The following CPQ variants were observed in gnomAD, a reference collection of about 807,000 sequenced individuals.
CPQ encodes carboxypeptidase Q.
A neutral mutation model predicts 45.7 loss-of-function variants in CPQ; 37 were observed. That is an observed-to-expected ratio of 0.81 (90% CI 0.62 to 1.07). The LOEUF (loss-of-function observed/expected upper bound fraction) is 1.07, where lower values mean the gene tolerates loss of function less well. Ranked by LOEUF, CPQ falls within the 50% of genes least tolerant of loss-of-function variation. The probability of loss-of-function intolerance (pLI) is 0.00; values close to 1 mark genes in which losing one functional copy is unlikely to be tolerated. For missense variants in CPQ, 537 were observed against 572.9 expected (o/e 0.94, Z 0.64); for synonymous variants, 186 against 205.8 (o/e 0.90, Z 0.82).
chr8:97,123,142 A>G (rs1345650081), intron 7 of CPQ, among the ~76,000 whole-genome samples: 6 of 105,046 alleles, frequency 5.7e-5, no homozygotes, highest in Non-Finnish European at 1.1e-4. Flanking sequence ...ATAAAATAAA[A>G]TAAAATAAAT....
At chr8:97,101,572 C>CTTTTTTTTTTTTTTT (rs5893410) in intron 7 of CPQ, among the ~76,000 whole-genome samples, 33 of 114,198 alleles carry the variant, frequency 2.9e-4, no homozygotes, top group Non-Finnish European at 3.9e-4. Context: ...TTTCTTTTTT[C>CTTTTTTTTTTTTTTT]TTTTTTTTTT....
chr8:96,946,831 G>A (rs1347913007), intron 4 of CPQ, among the ~76,000 whole-genome samples: 1 of 152,052 alleles, frequency 6.6e-6, no homozygotes, highest in Non-Finnish European at 1.5e-5. Flanking sequence ...GCTTCATGTG[G>A]CCAGCTCTTA....
chr8:96,904,729 A>G (rs1325740276), intron 4 of CPQ, among the ~76,000 whole-genome samples: 1 of 152,164 alleles, frequency 6.6e-6, no homozygotes, highest in Non-Finnish European at 1.5e-5. Context: ...AATTGCAACA[A>G]GCTGCCTGGG....
chr8:96,840,629 C>G (rs904351526), intron 3 of CPQ, among the ~76,000 whole-genome samples: 1 of 152,112 alleles, frequency 6.6e-6, no homozygotes, highest in Non-Finnish European at 1.5e-5. Context: ...TTGTGCATAG[C>G]ATGCATTAGA....
rs1307697089 is a variant in CPQ, at chr8:96,744,829, T to C, written c.-34-40035T>C. On this transcript the variant is annotated intron_variant, in intron 1 of 7. Coordinates refer to ENST00000220763, the MANE Select transcript of CPQ (RefSeq NM_016134.4). ...TTTACATTGATCATGATTAATATTA[T>C]ATTTGGATTCATTTCTATCATCTTA... Among the ~76,000 whole-genome samples, 4 of 152,240 alleles carry C rather than the reference T, an allele frequency of 2.6e-5. No individual in the cohort carries two copies. The East Asian group carries it at 5.8e-4, about 22-fold the overall frequency.
At chr8:97,002,958 A>G (rs1809310914) in intron 5 of CPQ, among the ~76,000 whole-genome samples, 1 of 152,150 alleles carries the variant, frequency 6.6e-6, no homozygotes, top group African/African-American at 2.4e-5. Flanking sequence ...TTGGGTGCAT[A>G]TATATTTAGG....
intron 1 of CPQ, among the ~76,000 whole-genome samples, chr8:96,654,852 A>C (rs973407784): frequency 2.6e-5 from 4 of 152,194 alleles, no homozygotes; most frequent in African/African-American, 9.6e-5. Flanking sequence ...CTGCATTTGC[A>C]TGAAACAGTA....
At chr8:96,943,020 A>T (rs1246520970) in intron 4 of CPQ, among the ~76,000 whole-genome samples, 2 of 152,280 alleles carry the variant, frequency 1.3e-5, no homozygotes, top group East Asian at 3.9e-4. Context: ...TAGATATATT[A>T]CTTACTAGAG....
intron 6 of CPQ, among the ~76,000 whole-genome samples, chr8:97,063,439 T>C (rs1053571285): frequency 3.3e-5 from 5 of 152,238 alleles, no homozygotes; most frequent in African/African-American, 1.2e-4. Context: ...CTGTTTACTC[T>C]GTTGATAGTT....
chr8:97,075,237 C>T (rs549220909), intron 7 of CPQ, among the ~76,000 whole-genome samples: 1 of 152,302 alleles, frequency 6.6e-6, no homozygotes, highest in African/African-American at 2.4e-5. Flanking sequence ...AACACTATTA[C>T]TTAAGTCTCT....
chr8:96,951,023 G>A (rs1813255997), intron 4 of CPQ, among the ~76,000 whole-genome samples: 2 of 152,068 alleles, frequency 1.3e-5, no homozygotes, highest in Non-Finnish European at 2.9e-5. Flanking sequence ...GTTTACTGAA[G>A]GAATTTATGG....
chr8:96,988,393 T>A (rs942699315), intron 5 of CPQ, among the ~76,000 whole-genome samples: 2 of 152,040 alleles, frequency 1.3e-5, no homozygotes, highest in African/African-American at 4.8e-5. Flanking sequence ...ATATTCGGAG[T>A]TTTTATTTTG....
intron 5 of CPQ, among the ~76,000 whole-genome samples, chr8:96,993,915 C>T (rs769274521): frequency 2.4e-4 from 36 of 152,080 alleles, no homozygotes; most frequent in Non-Finnish European, 5.0e-4. Flanking sequence ...CTATATTGTT[C>T]TCCCGTTCTC....
chr8:96,908,777 A>ACACACACACACACACACC (rs147900019), intron 4 of CPQ, among the ~76,000 whole-genome samples: 76 of 150,156 alleles, frequency 5.1e-4, no homozygotes, highest in Admixed American at 1.7e-3. Flanking sequence ...ACACACACAC[A>ACACACACACACACACACC]CCATATATTC....
At chr8:96,718,080 C>A (rs1809708283) in intron 1 of CPQ, among the ~76,000 whole-genome samples, 1 of 152,190 alleles carries the variant, frequency 6.6e-6, no homozygotes, top group Admixed American at 6.5e-5. Flanking sequence ...CCAGGCCATG[C>A]CCCTCCCAGC....
intron 1 of CPQ, among the ~76,000 whole-genome samples, chr8:96,742,902 C>G (rs1002833437): frequency 6.6e-6 from 1 of 152,062 alleles, no homozygotes; most frequent in Non-Finnish European, 1.5e-5. Context: ...TCTGGCTGCC[C>G]TTAACATTTT....
chr8:97,119,583 A>C (rs976937888), intron 7 of CPQ, among the ~76,000 whole-genome samples: 1 of 152,192 alleles, frequency 6.6e-6, no homozygotes, highest in African/African-American at 2.4e-5. Flanking sequence ...ATTACTCATA[A>C]GGTGGATGCT....
intron 4 of CPQ, among the ~76,000 whole-genome samples, chr8:96,963,392 T>A (rs1813496347): frequency 6.6e-6 from 1 of 152,210 alleles, no homozygotes; most frequent in Non-Finnish European, 1.5e-5. Flanking sequence ...TTAGAAACAA[T>A]CCATTTGGGT....
chr8:96,687,193 CT>C (rs1809243023), intron 1 of CPQ, among the ~76,000 whole-genome samples: 1 of 150,952 alleles, frequency 6.6e-6, no homozygotes. Flanking sequence ...CTCTTCTCTT[CT>C]CTTCTTTTCT....
Sources: gnomAD v4.1 joint callset for allele counts (sites outside exome capture counted in the v4.1 genomes callset) on GRCh38, gnomAD v4.1.1 for gene constraint, MANE v1.5 for transcripts, NCBI Gene and HGNC (gene_info 2026-07-23, HGNC 2026-07-21) for gene names.